Variants in ARHGAP15 observed in about 807,000 individuals in gnomAD.
ARHGAP15 encodes the protein rho GTPase-activating protein 15.
A neutral mutation model predicts 63.7 loss-of-function variants in ARHGAP15; 51 were observed. That is an observed-to-expected ratio of 0.80 (90% confidence interval 0.64 to 1.01). The LOEUF is 1.01. ARHGAP15 is among the 50% of genes least tolerant of loss of function. ARHGAP15 has a pLI of 0.00. For missense variants in ARHGAP15, 560 were observed against 564.6 expected, an observed-to-expected ratio of 0.99 and a Z score of 0.08; for synonymous variants, 191 against 193.8, an observed-to-expected ratio of 0.99 and a Z score of 0.12.
intron 10 of ARHGAP15, among the ~76,000 whole-genome samples, chr2:143,527,197 T>C (rs1455973935): frequency 6.6e-6 from 1 of 152,194 alleles, no homozygotes; most frequent in East Asian, 1.9e-4. Flanking sequence ...TACACATATA[T>C]GGTAAAAGAG....
At chr2:143,532,228 T>C (rs189766069) in intron 10 of ARHGAP15, among the ~76,000 whole-genome samples, 1 of 152,348 alleles carries the variant, frequency 6.6e-6, no homozygotes, top group Non-Finnish European at 1.5e-5. Flanking sequence ...GCCAAGATTT[T>C]ACAGGCATAA....
At chr2:143,653,054 T>C (rs1388233037) in intron 12 of ARHGAP15, among the ~76,000 whole-genome samples, 1 of 152,112 alleles carries the variant, frequency 6.6e-6, no homozygotes, top group Non-Finnish European at 1.5e-5. Context: ...CCTTCCCATC[T>C]GTCCTGAGTA....
intron 3 of ARHGAP15, among the ~76,000 whole-genome samples, chr2:143,204,151 C>T (rs1692232742): frequency 1.3e-5 from 2 of 152,088 alleles, no homozygotes; most frequent in Admixed American, 6.6e-5. Context: ...TTCTCACCAC[C>T]ATTACTATCA....
intron 2 of ARHGAP15, among the ~76,000 whole-genome samples, chr2:143,157,485 A>G (rs1690127553): frequency 1.3e-5 from 2 of 151,858 alleles, no homozygotes; most frequent in Admixed American, 6.6e-5. Context: ...CCAAAGTTAA[A>G]TTAGCTATAA....
At chr2:143,536,987 C>T (rs949125784) in intron 10 of ARHGAP15, among the ~76,000 whole-genome samples, 10 of 152,206 alleles carry the variant, frequency 6.6e-5, no homozygotes, top group African/African-American at 2.4e-4. Flanking sequence ...TACAGTCCCA[C>T]CAACAGTGTA....
At chr2:143,304,711 C>A (rs1683086280) in intron 6 of ARHGAP15, among the ~76,000 whole-genome samples, 1 of 151,990 alleles carries the variant, frequency 6.6e-6, no homozygotes, top group South Asian at 2.1e-4. Context: ...AATAAAAATA[C>A]ATTAAATATA....
At position 143,543,514 on chromosome 2, in the gene ARHGAP15, C is replaced by G. The variant is rs34218029; in HGVS notation, c.926-12894C>G. Among the ~76,000 whole-genome samples, 655 of 152,212 alleles carry G rather than the reference C, an allele frequency of 4.3e-3. 8 individuals carry two copies. The highest frequency in any genetic ancestry group is 7.3e-3 in the Non-Finnish European group (493 of 67,996). The stretch of plus-strand genomic sequence containing the variant: ...CCATTCTATAGGTTGCCACTCCACT[C>G]TGTTGATTGTTTCCTTTGCTGTGCA... On this transcript the variant is annotated intron_variant, in intron 10 of 13. Transcript: ENST00000295095.
chr2:143,748,501 C>T (rs1335156031), intron 13 of ARHGAP15, among the ~76,000 whole-genome samples: 2 of 152,148 alleles, frequency 1.3e-5, no homozygotes, highest in Non-Finnish European at 2.9e-5. Flanking sequence ...ACACAGGAGG[C>T]TTTGCCAAGA....
rs1007205183 is a variant in ARHGAP15 at position 143,322,807 on chromosome 2, T to A, written c.474+72207T>A. The stretch of plus-strand genomic sequence containing the variant: ...AAGGAGGAGGAATTCATGAGTGAAA[T>A]GTTTGTCCTGATAACTGGGAGAATG... On this transcript the variant is annotated intron_variant, in intron 6 of 13. Coordinates refer to ENST00000295095, the MANE Select transcript of ARHGAP15 (RefSeq NM_018460.4). Among the ~76,000 whole-genome samples, 9 of 152,324 alleles carry A rather than the reference T, an allele frequency of 5.9e-5. No homozygotes were observed. The East Asian group carries it at 1.7e-3, about 29-fold the overall frequency.
intron 6 of ARHGAP15, among the ~76,000 whole-genome samples, chr2:143,323,235 A>C (rs1253936643): frequency 6.6e-6 from 1 of 152,224 alleles, no homozygotes; most frequent in Non-Finnish European, 1.5e-5. Context: ...TGTAATGCTG[A>C]GATTTGGGCT....
At chr2:143,156,723 G>T (rs1690094078) in intron 2 of ARHGAP15, among the ~76,000 whole-genome samples, 1 of 151,912 alleles carries the variant, frequency 6.6e-6, no homozygotes, top group African/African-American at 2.4e-5. Context: ...TTAGCATGAG[G>T]AAGCCAGTGA....
intron 11 of ARHGAP15, among the ~76,000 whole-genome samples, chr2:143,612,859 T>A (rs1351665648): frequency 6.6e-6 from 1 of 152,184 alleles, no homozygotes; most frequent in African/African-American, 2.4e-5. Context: ...TAACAGTACA[T>A]CCAGCATATG....
chr2:143,369,498 C>T (rs545438617), intron 6 of ARHGAP15, among the ~76,000 whole-genome samples: 5 of 151,798 alleles, frequency 3.3e-5, no homozygotes, highest in African/African-American at 1.2e-4. Flanking sequence ...TTTTTAATTC[C>T]TCAGTTTATT....
In ARHGAP15 at chr2:143,281,665, T is replaced by C. The variant is rs192555778; in HGVS notation, c.474+31065T>C. Among the ~76,000 whole-genome samples, 155 of 152,252 alleles carry C rather than the reference T, an allele frequency of 1.0e-3. 2 individuals are homozygous for C. Among genetic ancestry groups the C allele is most frequent in the Admixed American group, 8.7e-3 (133 of 15,286 alleles). ...TACATTGGCCAACTGTTAATGATGA[T>C]GTTTCATTATGGTAATACAATGGCC... is the stretch of plus-strand genomic sequence containing the variant. On this transcript the variant is annotated intron_variant, in intron 6 of 13. Coordinates refer to ENST00000295095, the MANE Select transcript of ARHGAP15 (RefSeq NM_018460.4).
chr2:143,415,797 A>C (rs1183829258), intron 6 of ARHGAP15, among the ~76,000 whole-genome samples: 1 of 152,220 alleles, frequency 6.6e-6, no homozygotes, highest in Non-Finnish European at 1.5e-5. Flanking sequence ...CTAAGCCATA[A>C]AAATGAATGA....
chr2:143,668,164 C>T (rs1201206691), intron 12 of ARHGAP15, among the ~76,000 whole-genome samples: 3 of 151,992 alleles, frequency 2.0e-5, no homozygotes, highest in African/African-American at 7.2e-5. Context: ...AGTTTCAAAT[C>T]TCATAGGATA....
At chr2:143,327,136 A>G (rs529055148) in intron 6 of ARHGAP15, among the ~76,000 whole-genome samples, 3 of 152,324 alleles carry the variant, frequency 2.0e-5, no homozygotes, top group African/African-American at 7.2e-5. Flanking sequence ...GAGCTAAATC[A>G]TGAGTGAACT....
chr2:143,733,434 G>T (rs1386034403), intron 13 of ARHGAP15, among the ~76,000 whole-genome samples: 1 of 152,158 alleles, frequency 6.6e-6, no homozygotes, highest in African/African-American at 2.4e-5. Flanking sequence ...TTTGGAGAGT[G>T]AAGGCCCTTC....
intron 13 of ARHGAP15, among the ~76,000 whole-genome samples, chr2:143,758,284 A>G (rs1686648631): frequency 1.3e-5 from 2 of 151,294 alleles, no homozygotes; most frequent in East Asian, 1.9e-4. Context: ...GTGTGTGTAT[A>G]TATATATAAA....
Sources: gnomAD v4.1 joint callset for allele counts (sites outside exome capture counted in the v4.1 genomes callset) on GRCh38, gnomAD v4.1.1 for gene constraint, MANE v1.5 for transcripts, NCBI Gene and HGNC (gene_info 2026-07-23, HGNC 2026-07-21) for gene names.